ST7: variants seen among roughly 807,000 people sequenced by gnomAD.
The protein encoded by ST7 is suppressor of tumorigenicity 7 protein.
Under a neutral mutation model 78.7 loss-of-function variants are expected in ST7, and 28 were observed. The ratio of observed to expected loss-of-function variants is 0.36; its 90% CI spans 0.26 to 0.49. ST7 has a LOEUF of 0.49. Ranked by LOEUF, ST7 falls within the 20% of genes least tolerant of loss-of-function variation. The probability of loss-of-function intolerance (pLI) is 0.99; values close to 1 mark genes in which losing one functional copy is unlikely to be tolerated. For missense variants in ST7, 418 were observed against 696.0 expected, an observed-to-expected ratio of 0.60 and a Z score of 4.49; for synonymous variants, 247 against 249.6, an observed-to-expected ratio of 0.99 and a Z score of 0.10.
chr7:116,979,843 T>G (rs548301958), intron 1 of ST7, among the ~76,000 whole-genome samples: 3 of 152,280 alleles, frequency 2.0e-5, no homozygotes, highest in South Asian at 2.1e-4. Flanking sequence ...TGTTTCTGGC[T>G]TGATACTCAC....
In ST7 at chr7:117,037,704, C is replaced by G. The variant is rs1363243612; in HGVS notation, c.152-62058C>G. Among the ~76,000 whole-genome samples, 4 of 152,126 alleles carry G rather than the reference C, an allele frequency of 2.6e-5. No individual in the cohort carries two copies. The South Asian group carries it at 8.3e-4, about 32-fold the overall frequency. On this transcript the variant is annotated intron_variant, in intron 1 of 15. Coordinates refer to ENST00000323984, the MANE Select transcript of ST7 (RefSeq NM_001369598.1). ...TGTGTGAGGGATCAAATGAGACTTCCGATTATATGGCAAATAGCATCATCT... is the reference window on the plus strand; with the variant it reads ...TGTGTGAGGGATCAAATGAGACTTCGGATTATATGGCAAATAGCATCATCT...
chr7:117,189,269 GCT>G (rs1809558296), intron 10 of ST7, 50 bp from the exon 11 acceptor site: 7 of 1,330,180 alleles, frequency 5.3e-6, no homozygotes, highest in South Asian at 5.1e-5. Flanking sequence ...GAAAATGATT[GCT>G]CTTTGTTACC....
intron 12 of ST7, among the ~76,000 whole-genome samples, 180 bp from the exon 13 acceptor site, chr7:117,209,607 G>C (rs1231952586): frequency 6.6e-6 from 1 of 152,226 alleles, no homozygotes; most frequent in African/African-American, 2.4e-5. Context: ...CTAATCATCT[G>C]TCAGCAAACT....
chr7:116,968,445 C>G (rs1042203659), intron 1 of ST7: 1 of 453,646 alleles, frequency 2.2e-6, no homozygotes, highest in Non-Finnish European at 4.5e-6. Flanking sequence ...TGGGCTCAAG[C>G]AATCCTTCTG....
chr7:116,968,355 CCTTCTTCCTT>C, intron 1 of ST7: 1 of 391,498 alleles, frequency 2.6e-6, no homozygotes. Context: ...CTCCCTCCCT[CCTTCTTCCTT>C]CTTCTTCCTT....
intron 1 of ST7, among the ~76,000 whole-genome samples, chr7:117,034,543 A>G (rs1010019802): frequency 2.0e-5 from 3 of 152,172 alleles, no homozygotes; most frequent in African/African-American, 4.8e-5. Context: ...TTCTTTATTC[A>G]TGAAAATGTC....
At chr7:117,167,594 A>T (rs1807671793) in intron 9 of ST7, among the ~76,000 whole-genome samples, 1 of 152,048 alleles carries the variant, frequency 6.6e-6, no homozygotes, top group Admixed American at 6.6e-5. Context: ...TGTGGAAGTC[A>T]TCCCCATGGA....
rs1256831541 is a variant in ST7, at chr7:117,058,972, T to C, written c.152-40790T>C. Among the ~76,000 whole-genome samples, 3 of 152,296 alleles carry C rather than the reference T, an allele frequency of 2.0e-5. No individual in the cohort carries two copies. In the East Asian group the frequency reaches 5.8e-4, roughly 29 times the overall value. On this transcript the variant is annotated intron_variant, in intron 1 of 15. Transcript: ENST00000323984. ...AAGAGAAACTTCGCCTGTTCTCACT[T>C]ATTTGTAGGAGCTAAAAGTTAAAAC... is the stretch of plus-strand genomic sequence containing the variant.
At chr7:117,068,289 A>G (rs1648717459) in intron 1 of ST7, among the ~76,000 whole-genome samples, 1 of 151,422 alleles carries the variant, frequency 6.6e-6, no homozygotes, top group African/African-American at 2.4e-5. Context: ...TTTATGTCTT[A>G]GGGTAGGTAG....
chr7:117,060,374 G>T (rs747953176), intron 1 of ST7, among the ~76,000 whole-genome samples: 1 of 152,140 alleles, frequency 6.6e-6, no homozygotes, highest in Non-Finnish European at 1.5e-5. Flanking sequence ...GAAACATTTC[G>T]CTTATACAGA....
At chr7:116,969,370 C>T (rs753048104) in intron 1 of ST7, among the ~76,000 whole-genome samples, 7 of 152,108 alleles carry the variant, frequency 4.6e-5, no homozygotes, top group Admixed American at 1.3e-4. Flanking sequence ...TTTAGACTAT[C>T]GCTTAATTGA....
At chr7:117,039,661 T>C (rs1423386963) in intron 1 of ST7, among the ~76,000 whole-genome samples, 1 of 152,238 alleles carries the variant, frequency 6.6e-6, no homozygotes, top group Non-Finnish European at 1.5e-5. Context: ...GCTTTCTGCC[T>C]TTTATGTAGG....
intron 1 of ST7, among the ~76,000 whole-genome samples, chr7:116,980,311 G>A (rs1793901171): frequency 6.6e-6 from 1 of 152,106 alleles, no homozygotes; most frequent in Non-Finnish European, 1.5e-5. Flanking sequence ...ATGGAGGCCA[G>A]ATGAGTCATC....
In ST7 at chr7:117,170,943, G is replaced by T; in HGVS notation, c.1045G>T (p.Ala349Ser). The T allele has an allele frequency of 6.2e-7, 1 of 1,611,926 alleles. No homozygotes were observed. Among genetic ancestry groups the T allele is most frequent in the Middle Eastern group, 1.7e-4 (1 of 6,050 alleles). Residue 349 changes from alanine to serine, a missense_variant, in exon 10 of 16, where the codon GCT (alanine) becomes TCT (serine). Physicochemically the swap from Ala to Ser is moderately conservative, Grantham distance 99. Coordinates refer to ENST00000323984, the MANE Select transcript of ST7 (RefSeq NM_001369598.1). ...AGCCCTTCTGGAACTACAAGCATAT[G>T]CTGATGTTCAGGCAGTCTTAGCAAA... Reference protein sequence around the residue: ...LEALLELQAYADVQAVLAKYD... With the variant: ...LEALLELQAYSDVQAVLAKYD...
intron 1 of ST7, chr7:116,966,141 T>C (rs1226895506): frequency 4.3e-6 from 2 of 462,340 alleles, no homozygotes; most frequent in African/African-American, 2.0e-5. Flanking sequence ...ACAAAAGATA[T>C]AAAAATATGT....
At chr7:117,093,810 A>C (rs1800824052) in intron 1 of ST7, among the ~76,000 whole-genome samples, 1 of 152,244 alleles carries the variant, frequency 6.6e-6, no homozygotes, top group Non-Finnish European at 1.5e-5. Flanking sequence ...TATTATGTTT[A>C]GCTCTTGTGA....
At chr7:116,990,036 G>A (rs1794357715) in intron 1 of ST7, among the ~76,000 whole-genome samples, 1 of 152,128 alleles carries the variant, frequency 6.6e-6, no homozygotes, top group African/African-American at 2.4e-5. Context: ...TGCCTCCCGG[G>A]TTCAAGTGAT....
At chr7:117,188,773 T>TATATATATATATATATATATATCCTC (rs147832271) in intron 10 of ST7, among the ~76,000 whole-genome samples, 34 of 151,974 alleles carry the variant, frequency 2.2e-4, no homozygotes, top group African/African-American at 8.2e-4. Flanking sequence ...GACATATATA[T>TATATATATATATATATATATATCCTC]AACTTGGACT....
At chr7:117,053,053 G>C (rs556750675) in intron 1 of ST7, among the ~76,000 whole-genome samples, 2 of 152,194 alleles carry the variant, frequency 1.3e-5, no homozygotes, top group Admixed American at 1.3e-4. Flanking sequence ...ATGGCTATAT[G>C]ATATTCCATT....
Sources: gnomAD v4.1 joint callset for allele counts (sites outside exome capture counted in the v4.1 genomes callset) on GRCh38, gnomAD v4.1.1 for gene constraint, MANE v1.5 for transcripts, NCBI Gene and HGNC (gene_info 2026-07-23, HGNC 2026-07-21) for gene names.